Variants in SYTL3 observed in about 807,000 individuals in gnomAD.
SYTL3 encodes the protein synaptotagmin-like protein 3.
Under a neutral mutation model 82.1 loss-of-function variants are expected in SYTL3, and 88 were observed. The observed-to-expected ratio is 1.07, with a 90% CI of 0.90 to 1.28. The LOEUF (loss-of-function observed/expected upper bound fraction) is 1.28, where lower values mean the gene tolerates loss of function less well. Among genes scored for constraint, SYTL3 ranks in the 50% most tolerant of loss-of-function variants. The probability of loss-of-function intolerance (pLI) is 0.00; values close to 1 mark genes in which losing one functional copy is unlikely to be tolerated. For synonymous variants in SYTL3, 311 were observed against 289.4 expected, an observed-to-expected ratio of 1.07 and a Z score of -0.76; for missense variants, 831 against 757.6, an observed-to-expected ratio of 1.10 and a Z score of -1.14.
intron 12 of SYTL3, among the ~76,000 whole-genome samples, chr6:158,751,269 G>T (rs986474363): frequency 3.3e-5 from 5 of 151,922 alleles, no homozygotes; most frequent in African/African-American, 1.2e-4. Context: ...GCTGGTTGGG[G>T]GGTCATTGCC....
At chr6:158,749,344 T>C (rs1256655003) in intron 12 of SYTL3, among the ~76,000 whole-genome samples, 2 of 140,248 alleles carry the variant, frequency 1.4e-5, no homozygotes, top group African/African-American at 5.4e-5. Flanking sequence ...TGAGCTAAGA[T>C]TGTGCCACTG....
At chr6:158,691,675 G>A (rs554268363) in intron 6 of SYTL3, among the ~76,000 whole-genome samples, 131 of 150,914 alleles carry the variant, frequency 8.7e-4, no homozygotes, top group African/African-American at 3.2e-3. Flanking sequence ...TTTTTGAGAC[G>A]GAGTCTCGCT....
At chr6:158,747,589 C>A (rs1334837977) in intron 12 of SYTL3, among the ~76,000 whole-genome samples, 2 of 152,168 alleles carry the variant, frequency 1.3e-5, no homozygotes, top group African/African-American at 2.4e-5. Flanking sequence ...AGTTGGGAGG[C>A]ACATGCTTGT....
rs1222213548 is a variant in SYTL3 at position 158,655,807 on chromosome 6, C to T, written c.-637+3965C>T. 3.3e-5 allele frequency among the ~76,000 whole-genome samples: 5 copies of T among 152,210 alleles called. No homozygotes were observed. In the East Asian group the frequency reaches 7.7e-4, roughly 23 times the overall value. ...AGCCCCAGAGGGCTTAAGTAACTTG[C>T]CCATCATCAGCTCAACAGCAAGTCG... is the stretch of plus-strand genomic sequence containing the variant. On this transcript the variant is annotated intron_variant, in intron 2 of 17. Transcript: ENST00000611299.
At chr6:158,760,147 T>TCCTCA (rs1789711768) in intron 14 of SYTL3, among the ~76,000 whole-genome samples, 1 of 151,990 alleles carries the variant, frequency 6.6e-6, no homozygotes, top group Admixed American at 6.6e-5. Flanking sequence ...CAGGGAGGTG[T>TCCTCA]CCTCAGACTC....
chr6:158,693,546 A>C (rs947251933), intron 6 of SYTL3, among the ~76,000 whole-genome samples: 4 of 152,240 alleles, frequency 2.6e-5, no homozygotes, highest in African/African-American at 9.6e-5. Flanking sequence ...CACTACACCC[A>C]GCTGACTTTT....
At chr6:158,667,558 C>T (rs1394837190) in intron 5 of SYTL3, among the ~76,000 whole-genome samples, 2 of 152,134 alleles carry the variant, frequency 1.3e-5, no homozygotes, top group African/African-American at 2.4e-5. Flanking sequence ...CTTTGTAAAA[C>T]TTTAGAATCT....
At chr6:158,752,533 T>G (rs558860601) in intron 13 of SYTL3, among the ~76,000 whole-genome samples, 1 of 152,314 alleles carries the variant, frequency 6.6e-6, no homozygotes, top group East Asian at 1.9e-4. Flanking sequence ...AGGAATTGTT[T>G]GGGTTTTCAC....
In SYTL3 at chr6:158,762,151, A is replaced by G. The variant is rs779474235; in HGVS notation, c.1490A>G (p.Asp497Gly). 6.2e-7 allele frequency: 1 copy of G among 1,613,716 alleles called. No individual in the cohort carries two copies. Among genetic ancestry groups the G allele is most frequent in the Non-Finnish European group, 8.5e-7 (1 of 1,179,878 alleles). Residue 497 changes from aspartate (D) to glycine (G), a missense_variant, in exon 16 of 18, where the codon GAT becomes GGT. Transcript: ENST00000611299. ...LGAKNLPVRP[D>G]GTLNSFVKGC... ...GCCAAGAATTTACCTGTGCGGCCAGATGGCACCTTGAACTCATTTGTTAAG... is the reference window on the plus strand; with the variant it reads ...GCCAAGAATTTACCTGTGCGGCCAGGTGGCACCTTGAACTCATTTGTTAAG...
chr6:158,725,912 T>C (rs2128481563), intron 11 of SYTL3: 1 of 684,858 alleles, frequency 1.5e-6, no homozygotes, highest in Non-Finnish European at 2.7e-6. Flanking sequence ...CTTTCTATAA[T>C]GCAGCATTCT....
intron 11 of SYTL3, among the ~76,000 whole-genome samples, chr6:158,729,824 C>T (rs1258567146): frequency 6.6e-6 from 1 of 151,974 alleles, no homozygotes; most frequent in Non-Finnish European, 1.5e-5. Flanking sequence ...CCTTGGCCTC[C>T]CAAAGTGCTG....
chr6:158,735,036 C>T lies in SYTL3; in HGVS notation c.855+9399C>T, dbSNP rs114595481. Among the ~76,000 whole-genome samples, 1,363 of 152,252 alleles carry T rather than the reference C, an allele frequency of 9.0e-3. 13 individuals carry two copies. The highest frequency in any genetic ancestry group is 0.03 in the African/African-American group (1,256 of 41,530). ...GGGAGTCCATACCGGGGAGTCCAGG[C>T]TTTTCACACTATCCCACAGGCGTTT... On this transcript the variant is annotated intron_variant, in intron 11 of 17. Transcript: ENST00000611299.
chr6:158,763,322 C>A lies in SYTL3; in HGVS notation c.1536C>A (p.Asp512Glu). The A allele has an allele frequency of 6.2e-7, 1 of 1,614,190 alleles. No homozygotes were observed. The highest frequency in any genetic ancestry group is 2.2e-5 in the East Asian group (1 of 44,880). Residue 512 changes from aspartate to glutamate, a missense_variant, in exon 17 of 18, where the codon GAC (aspartate) becomes GAA (glutamate). Asp to Glu is a conservative substitution (Grantham distance 45, BLOSUM62 2). Coordinates refer to ENST00000611299, the MANE Select transcript of SYTL3 (RefSeq NM_001242394.2). ...SFVKGCLTLP[D>E]QQKLRLKSPV... ...TCTTCAGCTGTCTCACTCTGCCAGA[C>A]CAACAAAAACTGAGACTGAAGTCGC...
chr6:158,671,621 C>T (rs939793725), intron 5 of SYTL3, among the ~76,000 whole-genome samples: 1 of 151,500 alleles, frequency 6.6e-6, no homozygotes, highest in Non-Finnish European at 1.5e-5. Flanking sequence ...AAAAATTAGC[C>T]GGGCATGATG....
chr6:158,644,953 G>A, the SYTL3 span, among the ~76,000 whole-genome samples: 1 of 152,258 alleles, frequency 6.6e-6, no homozygotes, highest in Non-Finnish European at 1.5e-5. Flanking sequence ...ATGGGAATCC[G>A]TGAGGGTAGC....
intron 11 of SYTL3, among the ~76,000 whole-genome samples, chr6:158,740,798 T>C (rs1366275304): frequency 6.6e-6 from 1 of 152,202 alleles, no homozygotes; most frequent in Non-Finnish European, 1.5e-5. Flanking sequence ...AATTATAACT[T>C]GGCTCAAACA....
At chr6:158,702,870 G>A (rs1781477004) in intron 6 of SYTL3, among the ~76,000 whole-genome samples, 1 of 151,808 alleles carries the variant, frequency 6.6e-6, no homozygotes, top group Non-Finnish European at 1.5e-5. Context: ...TTATAAAATT[G>A]GGGGCCTGGC....
intron 15 of SYTL3, among the ~76,000 whole-genome samples, chr6:158,761,170 A>T (rs1257059535): frequency 6.6e-6 from 1 of 152,064 alleles, no homozygotes; most frequent in Non-Finnish European, 1.5e-5. Context: ...CCAGCAAAAG[A>T]AGTAGGTCAG....
chr6:158,738,991 G>A (rs1187188885), intron 11 of SYTL3, among the ~76,000 whole-genome samples: 2 of 152,144 alleles, frequency 1.3e-5, no homozygotes, highest in Non-Finnish European at 2.9e-5. Flanking sequence ...GTCTGCACTT[G>A]GCATTCCCAC....
Sources: allele counts gnomAD v4.1 joint callset (sites outside exome capture counted in the v4.1 genomes callset), GRCh38; gene constraint gnomAD v4.1.1; transcripts MANE v1.5; gene names NCBI Gene and HGNC (gene_info 2026-07-23, HGNC 2026-07-21).